The following SLC16A7 variants were observed in gnomAD, a reference collection of about 807,000 sequenced individuals.
SLC16A7 encodes the protein solute carrier family 16 member 7.
In SLC16A7, 33 loss-of-function variants were observed where a neutral mutation model predicts 34.9. The ratio of observed to expected loss-of-function variants is 0.94; its 90% CI spans 0.72 to 1.26. The LOEUF is 1.26. SLC16A7 is among the 50% of genes most tolerant of loss of function. SLC16A7 has a pLI of 0.00. For missense variants in SLC16A7, 573 were observed against 578.1 expected (o/e 0.99, Z 0.09); for synonymous variants, 201 against 206.6 (o/e 0.97, Z 0.23).
intron 3 of SLC16A7, among the ~76,000 whole-genome samples, chr12:59,708,457 AC>A (rs1349506048): frequency 2.0e-5 from 3 of 152,200 alleles, no homozygotes; most frequent in South Asian, 4.1e-4. Context: ...ATTTTCTTAC[AC>A]TATGTGAAAT....
intron 5 of SLC16A7, among the ~76,000 whole-genome samples, chr12:59,778,470 C>T (rs1046686410): frequency 2.0e-5 from 3 of 152,074 alleles, no homozygotes; most frequent in Non-Finnish European, 4.4e-5. Flanking sequence ...ATATCAGAAT[C>T]ACTTGGAATG....
intron 3 of SLC16A7, among the ~76,000 whole-genome samples, chr12:59,742,317 G>T (rs1276726264): frequency 6.6e-6 from 1 of 152,142 alleles, no homozygotes; most frequent in Non-Finnish European, 1.5e-5. Flanking sequence ...AACAGCTCTG[G>T]ATCATCAGGA....
intron 1 of SLC16A7, among the ~76,000 whole-genome samples, chr12:59,647,096 T>A (rs1468776222): frequency 6.6e-6 from 1 of 152,176 alleles, no homozygotes; most frequent in Non-Finnish European, 1.5e-5. Context: ...AGGTTAATGC[T>A]GAAATGAGTT....
At chr12:59,684,023 GA>G (rs1439091541) in intron 2 of SLC16A7, among the ~76,000 whole-genome samples, 1 of 152,178 alleles carries the variant, frequency 6.6e-6, no homozygotes, top group African/African-American at 2.4e-5. Context: ...TTTATTAAGA[GA>G]AAGGCCCAGT....
intron 3 of SLC16A7, among the ~76,000 whole-genome samples, chr12:59,750,873 T>C (rs1879447390): frequency 6.6e-6 from 1 of 152,114 alleles, no homozygotes; most frequent in African/African-American, 2.4e-5. Flanking sequence ...TGGAATACTA[T>C]GTAGCCATAA....
At chr12:59,692,762 C>T (rs953741637) in intron 2 of SLC16A7, among the ~76,000 whole-genome samples, 6 of 151,918 alleles carry the variant, frequency 3.9e-5, no homozygotes, top group African/African-American at 1.4e-4. Context: ...GTGTTACTGA[C>T]ATTTTGTGGT....
At chr12:59,705,375 G>A (rs1366478504) in intron 3 of SLC16A7, among the ~76,000 whole-genome samples, 1 of 152,094 alleles carries the variant, frequency 6.6e-6, no homozygotes. Flanking sequence ...TGGTAGAAAT[G>A]CTTTCTTCTG....
intron 2 of SLC16A7, among the ~76,000 whole-genome samples, chr12:59,657,967 T>C (rs1868624436): frequency 6.6e-6 from 1 of 151,986 alleles, no homozygotes; most frequent in Admixed American, 6.6e-5. Context: ...TGTTTTGCTC[T>C]TACAAAACAG....
intron 1 of SLC16A7, among the ~76,000 whole-genome samples, chr12:59,626,469 G>A (rs1933247793): frequency 6.6e-6 from 1 of 151,690 alleles, no homozygotes; most frequent in African/African-American, 2.4e-5. Context: ...ATCCAGTGAG[G>A]TGGACTAATG....
chr12:59,683,035 T>C (rs1482869756), intron 2 of SLC16A7, among the ~76,000 whole-genome samples: 2 of 151,840 alleles, frequency 1.3e-5, no homozygotes, highest in Non-Finnish European at 2.9e-5. Flanking sequence ...CATTGCACTC[T>C]AGCCTGGGCA....
intron 1 of SLC16A7, among the ~76,000 whole-genome samples, chr12:59,630,973 A>T (rs2136993614): frequency 6.6e-6 from 1 of 151,986 alleles, no homozygotes; most frequent in South Asian, 2.1e-4. Flanking sequence ...TTCAAAGGGG[A>T]TATTTATAGC....
chr12:59,749,237 A>G (rs1045330809), intron 3 of SLC16A7, among the ~76,000 whole-genome samples: 3 of 152,134 alleles, frequency 2.0e-5, no homozygotes, highest in Non-Finnish European at 4.4e-5. Context: ...TACAAAGGCG[A>G]TAACTCCTGA....
intron 1 of SLC16A7, among the ~76,000 whole-genome samples, chr12:59,619,613 T>TAGGA (rs1879607961): frequency 6.6e-6 from 1 of 152,008 alleles, no homozygotes; most frequent in Non-Finnish European, 1.5e-5. Context: ...AATCTGTTCC[T>TAGGA]ACCCACAGAC....
intron 3 of SLC16A7, among the ~76,000 whole-genome samples, chr12:59,747,927 G>A (rs774404887): frequency 7.2e-5 from 11 of 152,250 alleles, no homozygotes; most frequent in South Asian, 4.1e-4. Flanking sequence ...CATAGGCCAC[G>A]CGCTGTGGCA....
intron 3 of SLC16A7, among the ~76,000 whole-genome samples, chr12:59,731,706 T>C (rs1369438663): frequency 2.6e-5 from 4 of 152,336 alleles, no homozygotes; most frequent in East Asian, 1.9e-4. Context: ...ATCTTCCACA[T>C]AGAGCTCATT....
At chr12:59,704,641 A>G (rs1031858426) in intron 2 of SLC16A7, 131 bp from the exon 3 acceptor site, 13 of 591,260 alleles carry the variant, frequency 2.2e-5, no homozygotes, top group African/African-American at 1.9e-4. Flanking sequence ...TTCTGAGTAT[A>G]AGAGTGTGAA....
chr12:59,730,984 GA>G (rs756468621), intron 3 of SLC16A7, among the ~76,000 whole-genome samples: 114 of 152,190 alleles, frequency 7.5e-4, no homozygotes, highest in Admixed American at 2.8e-3. Flanking sequence ...AAATTATCAT[GA>G]AAATCTAAAG....
chr12:59,627,173 C>T (rs1192006368), intron 1 of SLC16A7, among the ~76,000 whole-genome samples: 8 of 151,914 alleles, frequency 5.3e-5, no homozygotes, highest in East Asian at 1.9e-4. Flanking sequence ...TATACATTGA[C>T]CTGGAACCCA....
chr12:59,614,452 T>C (rs564392282), intron 1 of SLC16A7, among the ~76,000 whole-genome samples: 1 of 152,284 alleles, frequency 6.6e-6, no homozygotes, highest in South Asian at 2.1e-4. Context: ...ATTAAAGGCA[T>C]CAGAATAATA....
Sources: gnomAD v4.1 joint callset for allele counts (sites outside exome capture counted in the v4.1 genomes callset) on GRCh38, gnomAD v4.1.1 for gene constraint, MANE v1.5 for transcripts, NCBI Gene and HGNC (gene_info 2026-07-23, HGNC 2026-07-21) for gene names.